HSPA12A: variants seen among roughly 807,000 people sequenced by gnomAD.
The protein encoded by HSPA12A is heat shock 70 kDa protein 12A.
In HSPA12A, 28 loss-of-function variants were observed where a neutral mutation model predicts 69.2. The ratio of observed to expected loss-of-function variants is 0.40; its 90% CI spans 0.30 to 0.55. HSPA12A has a LOEUF of 0.55. Among genes scored for constraint, HSPA12A ranks in the 20% least tolerant of loss-of-function variants. The probability of loss-of-function intolerance (pLI) is 0.38; values close to 1 mark genes in which losing one functional copy is unlikely to be tolerated. For missense variants in HSPA12A, 686 were observed against 900.7 expected (o/e 0.76, Z 3.05); for synonymous variants, 345 against 370.5 (o/e 0.93, Z 0.79).
At chr10:116,721,567 AAAAACAAAAC>A (rs531180653) in intron 1 of HSPA12A, among the ~76,000 whole-genome samples, 4 of 152,220 alleles carry the variant, frequency 2.6e-5, no homozygotes, top group Admixed American at 2.0e-4. Context: ...CAATCTCACT[AAAAACAAAAC>A]AAAACAAAAC....
chr10:116,842,551 C>T (rs114439604), intron 1 of HSPA12A, among the ~76,000 whole-genome samples: 2,183 of 152,228 alleles, frequency 0.014, 45 homozygotes, highest in African/African-American at 0.05. Context: ...GCTGTGGCTA[C>T]TTCTATAAAG....
intron 2 of HSPA12A, among the ~76,000 whole-genome samples, chr10:116,815,873 G>C (rs919369666): frequency 6.6e-6 from 1 of 152,224 alleles, no homozygotes; most frequent in Non-Finnish European, 1.5e-5. Context: ...AAGACAAAAT[G>C]TGTATCTCCA....
intron 2 of HSPA12A, chr10:116,749,828 C>T (rs1554888147): frequency 6.6e-6 from 1 of 152,534 alleles, no homozygotes; most frequent in Non-Finnish European, 1.5e-5. Flanking sequence ...TATTTTGTTT[C>T]TTTCAGATCT....
At chr10:116,745,178 T>C (rs2133077151), upstream of HSPA12A, among the ~76,000 whole-genome samples, 1 of 152,348 alleles carries the variant, frequency 6.6e-6, no homozygotes, top group Admixed American at 6.5e-5. Context: ...GTGGACTGTG[T>C]TGCCAGTTCT....
At chr10:116,792,741 C>T (rs557542278) in intron 2 of HSPA12A, among the ~76,000 whole-genome samples, 126 of 151,178 alleles carry the variant, frequency 8.3e-4, no homozygotes, top group African/African-American at 2.6e-3. Flanking sequence ...GAGCCAAGAT[C>T]GTGCCACTAA....
intron 2 of HSPA12A, among the ~76,000 whole-genome samples, chr10:116,822,864 T>C (rs1485162814): frequency 6.6e-6 from 1 of 152,082 alleles, no homozygotes; most frequent in Non-Finnish European, 1.5e-5. Context: ...CCCAAGAATA[T>C]GCAATGGAAA....
intron 1 of HSPA12A, among the ~76,000 whole-genome samples, chr10:116,737,731 C>T (rs1001346429): frequency 1.3e-5 from 2 of 152,196 alleles, no homozygotes; most frequent in Non-Finnish European, 2.9e-5. Flanking sequence ...CTGCCAGCCC[C>T]GCAGGACATC....
intron 1 of HSPA12A, among the ~76,000 whole-genome samples, chr10:116,730,371 T>G (rs1851112155): frequency 6.6e-6 from 1 of 152,210 alleles, no homozygotes; most frequent in Non-Finnish European, 1.5e-5. Context: ...AGGCCAGGTA[T>G]GGGAGCCAGG....
chr10:116,840,583 T>C (rs1479599595), intron 1 of HSPA12A, among the ~76,000 whole-genome samples: 6 of 152,192 alleles, frequency 3.9e-5, no homozygotes, highest in East Asian at 3.8e-4. Context: ...CCATGGTTAA[T>C]AGGAATCTCA....
At chr10:116,707,149 GCGCGCACACACACACACA>G (rs1234975745) in intron 2 of HSPA12A, 33 bp downstream of exon 2, 6 of 446,446 alleles carry the variant, frequency 1.3e-5, no homozygotes, top group African/African-American at 1.3e-4. Flanking sequence ...GCGCACCCAT[GCGCGCACACACACACACA>G]CACACACACA....
intron 2 of HSPA12A, among the ~76,000 whole-genome samples, chr10:116,772,860 G>GATTATT (rs369040070): frequency 6.6e-6 from 1 of 151,200 alleles, no homozygotes; most frequent in African/African-American, 2.4e-5. Flanking sequence ...ACATCTGGCT[G>GATTATT]ATTATTATTA....
At chr10:116,715,764 C>T (rs559039254) in intron 1 of HSPA12A, among the ~76,000 whole-genome samples, 1 of 152,214 alleles carries the variant, frequency 6.6e-6, no homozygotes, top group Non-Finnish European at 1.5e-5. Flanking sequence ...CTGGCCCATA[C>T]ATGGTAGGTG....
At chr10:116,787,701 T>C (rs1228387945) in intron 2 of HSPA12A, among the ~76,000 whole-genome samples, 1 of 152,116 alleles carries the variant, frequency 6.6e-6, no homozygotes, top group African/African-American at 2.4e-5. Context: ...CCCCCTTTTG[T>C]GTTGTTTGAA....
chr10:116,826,496 C>A (rs371207457), intron 2 of HSPA12A, among the ~76,000 whole-genome samples: 4 of 152,164 alleles, frequency 2.6e-5, no homozygotes, highest in African/African-American at 9.7e-5. Context: ...TCTACAGATG[C>A]GTGAGTGTCA....
chr10:116,768,748 T>C (rs1311266136), intron 2 of HSPA12A, among the ~76,000 whole-genome samples: 1 of 152,110 alleles, frequency 6.6e-6, no homozygotes, highest in African/African-American at 2.4e-5. Context: ...CAAGTCATCC[T>C]CCCACCTCAG....
intron 2 of HSPA12A, among the ~76,000 whole-genome samples, chr10:116,786,850 G>C (rs1378690419): frequency 1.3e-5 from 2 of 152,040 alleles, no homozygotes; most frequent in Non-Finnish European, 2.9e-5. Flanking sequence ...ATGTTGGCCA[G>C]ACTGGTCTCG....
At chr10:116,784,561 T>C (rs893415795) in intron 2 of HSPA12A, among the ~76,000 whole-genome samples, 6 of 152,242 alleles carry the variant, frequency 3.9e-5, no homozygotes, top group African/African-American at 4.8e-5. Flanking sequence ...AATGAATGAA[T>C]GAATGAATGG....
upstream of HSPA12A, among the ~76,000 whole-genome samples, chr10:116,745,704 C>A (rs1256105122): frequency 2.6e-5 from 4 of 152,150 alleles, no homozygotes; most frequent in African/African-American, 9.7e-5. Flanking sequence ...GTAACCAACC[C>A]TGTCTCTTCC....
At chr10:116,832,866 A>ACC (rs1210108799) in intron 2 of HSPA12A, 1 of 152,118 alleles carries the variant, frequency 6.6e-6, no homozygotes, top group Non-Finnish European at 1.5e-5. Flanking sequence ...ACTCAATCTA[A>ACC]CCTTCCTTTG....
Sources: allele counts gnomAD v4.1 joint callset (sites outside exome capture counted in the v4.1 genomes callset), GRCh38; gene constraint gnomAD v4.1.1; transcripts MANE v1.5; gene names NCBI Gene and HGNC (gene_info 2026-07-23, HGNC 2026-07-21).